Variants in RANBP2 observed in about 807,000 individuals in gnomAD.
RANBP2 encodes the protein RAN binding protein 2, also known as E3 SUMO-protein ligase RanBP2.
In RANBP2, 57 loss-of-function variants were observed where a neutral mutation model predicts 303.6. The observed-to-expected ratio is 0.19, with a 90% confidence interval of 0.15 to 0.23. RANBP2 has a LOEUF of 0.23. Among genes scored for constraint, RANBP2 ranks in the 10% least tolerant of loss-of-function variants. The pLI is 1.00. For missense variants in RANBP2, 3,138 were observed against 3,780.8 expected (o/e 0.83, Z 4.46); for synonymous variants, 1,167 against 1,301.5 (o/e 0.90, Z 2.23).
chr2:108,751,167 A>G (rs549269110), intron 9 of RANBP2, 97 bp from the exon 10 acceptor site: 1 of 1,533,786 alleles, frequency 6.5e-7, no homozygotes, highest in African/African-American at 1.4e-5. Context: ...CAGTTATATA[A>G]TTAAGATATA....
the RANBP2 span, among the ~76,000 whole-genome samples, chr2:108,995,218 T>G: frequency 2.6e-5 from 4 of 152,138 alleles, no homozygotes; most frequent in Admixed American, 2.6e-4. Context: ...TGGAGTGAAG[T>G]AGTGAGACTG....
the RANBP2 span, among the ~76,000 whole-genome samples, chr2:109,101,007 C>T: frequency 8.6e-5 from 13 of 151,986 alleles, no homozygotes; most frequent in Admixed American, 5.2e-4. Context: ...TGAGGAGTGG[C>T]GGGGTTCAAG....
chr2:109,552,087 C>T, the RANBP2 span, among the ~76,000 whole-genome samples: 1 of 152,224 alleles, frequency 6.6e-6, no homozygotes, highest in East Asian at 1.9e-4. Context: ...CCCACAGGAG[C>T]ACAAACCCTA....
At chr2:109,319,473 G>A in the RANBP2 span, among the ~76,000 whole-genome samples, 1 of 152,216 alleles carries the variant, frequency 6.6e-6, no homozygotes, top group East Asian at 1.9e-4. Context: ...TCTTACTCTT[G>A]CACTTCTGCT....
chr2:109,020,324 T>C, the RANBP2 span, among the ~76,000 whole-genome samples: 1 of 152,304 alleles, frequency 6.6e-6, no homozygotes, highest in East Asian at 1.9e-4. Flanking sequence ...CACCTTATGA[T>C]AACCCTTCTC....
At chr2:109,387,546 A>G in the RANBP2 span, among the ~76,000 whole-genome samples, 1 of 152,046 alleles carries the variant, frequency 6.6e-6, no homozygotes, top group Non-Finnish European at 1.5e-5. Flanking sequence ...CCTTCCCCAG[A>G]TGTGATGGGG....
chr2:109,080,246 G>A, the RANBP2 span, among the ~76,000 whole-genome samples: 1 of 152,070 alleles, frequency 6.6e-6, no homozygotes, highest in African/African-American at 2.4e-5. Flanking sequence ...TCCAGGGCGT[G>A]TTATAGCTGA....
chr2:109,436,861 T>C, the RANBP2 span: 1 of 1,605,430 alleles, frequency 6.2e-7, no homozygotes, highest in Non-Finnish European at 8.5e-7. Flanking sequence ...TCTGAGCCTC[T>C]CATCAGAATT....
the RANBP2 span, chr2:108,882,390 C>G: frequency 7.9e-5 from 12 of 152,106 alleles, no homozygotes; most frequent in African/African-American, 2.9e-4. Context: ...ATTAGGTATG[C>G]CTGTATGGAA....
chr2:108,820,384 G>T, the RANBP2 span, among the ~76,000 whole-genome samples: 3,101 of 152,236 alleles, frequency 0.02, 110 homozygotes, highest in African/African-American at 0.071. Context: ...GGAATGAGAA[G>T]AGAGAAGGAG....
At chr2:109,701,494 G>A in the RANBP2 span, among the ~76,000 whole-genome samples, 20 of 152,188 alleles carry the variant, frequency 1.3e-4, no homozygotes, top group Non-Finnish European at 2.1e-4. Context: ...GTCAGAAGTA[G>A]ACAAGAGACA....
At chr2:109,098,835 A>G in the RANBP2 span, among the ~76,000 whole-genome samples, 4 of 152,192 alleles carry the variant, frequency 2.6e-5, no homozygotes, top group Admixed American at 2.6e-4. Context: ...AAGTGACTGT[A>G]TTTCCTGTAA....
the RANBP2 span, among the ~76,000 whole-genome samples, chr2:109,675,413 G>A: frequency 3.9e-5 from 6 of 152,184 alleles, no homozygotes. Context: ...CAGGTGCGGT[G>A]GCTCATGCTT....
the RANBP2 span, among the ~76,000 whole-genome samples, chr2:109,755,267 C>T: frequency 7.1e-6 from 1 of 141,238 alleles, no homozygotes; most frequent in Non-Finnish European, 1.5e-5. Context: ...CATTTGATTT[C>T]CCCTCAGATT....
chr2:109,727,519 C>T, the RANBP2 span, among the ~76,000 whole-genome samples: 2 of 152,170 alleles, frequency 1.3e-5, no homozygotes, highest in African/African-American at 4.8e-5. Flanking sequence ...ATCCTTTATT[C>T]CTGAAAACCT....
chr2:109,079,174 C>G, the RANBP2 span, among the ~76,000 whole-genome samples: 95 of 152,292 alleles, frequency 6.2e-4, no homozygotes, highest in Non-Finnish European at 1.2e-4. Context: ...TCCTCCTCCC[C>G]CTCAACTAAA....
At chr2:109,337,045 A>G in the RANBP2 span, among the ~76,000 whole-genome samples, 2 of 152,222 alleles carry the variant, frequency 1.3e-5, no homozygotes, top group East Asian at 1.9e-4. Flanking sequence ...CAGGCTTAAC[A>G]TTTTTTAACA....
chr2:108,795,234 G>A, the RANBP2 span, among the ~76,000 whole-genome samples: 152 of 140,946 alleles, frequency 1.1e-3, no homozygotes, highest in African/African-American at 3.7e-3. Flanking sequence ...GGCTCACTGC[G>A]GCCTCCGCCT....
chr2:109,344,517 T>A, the RANBP2 span, among the ~76,000 whole-genome samples: 1 of 152,224 alleles, frequency 6.6e-6, no homozygotes, highest in African/African-American at 2.4e-5. Context: ...TCGGATCCCC[T>A]GAGGTCATCA....
Sources: allele counts gnomAD v4.1 joint callset (sites outside exome capture counted in the v4.1 genomes callset), GRCh38; gene constraint gnomAD v4.1.1; transcripts MANE v1.5; gene names NCBI Gene and HGNC (gene_info 2026-07-23, HGNC 2026-07-21).